Variants in TLL1 observed in about 807,000 individuals in gnomAD.
TLL1 encodes tolloid-like protein 1.
Under a neutral mutation model 128.2 loss-of-function variants are expected in TLL1, and 49 were observed. That is an observed-to-expected ratio of 0.38 (90% CI 0.30 to 0.48). The LOEUF (loss-of-function observed/expected upper bound fraction) is 0.48. Ranked by LOEUF, TLL1 falls within the 20% of genes least tolerant of loss-of-function variation. TLL1 has a pLI of 0.96. For synonymous variants in TLL1, 454 were observed against 418.8 expected (o/e 1.08, Z -1.03); for missense variants, 1,123 against 1,242.0 (o/e 0.90, Z 1.44).
chr4:166,034,312 G>T (rs1001957532), intron 9 of TLL1, among the ~76,000 whole-genome samples: 2 of 152,160 alleles, frequency 1.3e-5, no homozygotes, highest in Non-Finnish European at 2.9e-5. Context: ...CAAGGAAGGG[G>T]AAAGTAGAGT....
intron 13 of TLL1, among the ~76,000 whole-genome samples, chr4:166,055,887 CTTATG>C (rs1739981021): frequency 1.3e-5 from 2 of 151,886 alleles, no homozygotes; most frequent in African/African-American, 2.4e-5. Flanking sequence ...TTCATTGACA[CTTATG>C]TTGTGTGTCA....
intron 18 of TLL1, among the ~76,000 whole-genome samples, chr4:166,086,640 A>G (rs59036877): frequency 0.012 from 1,815 of 152,238 alleles, 31 homozygotes; most frequent in African/African-American, 0.042. Flanking sequence ...AAGTGTCCCA[A>G]GAGGCCATGG....
At chr4:166,014,613 A>G in intron 8 of TLL1, 53 bp downstream of exon 8, 1 of 1,604,628 alleles carries the variant, frequency 6.2e-7, no homozygotes, top group Non-Finnish European at 8.5e-7. Flanking sequence ...GTGCTCTTCC[A>G]GATGAATAAG....
intron 13 of TLL1, 152 bp from the exon 14 acceptor site, chr4:166,057,032 A>G (rs1399065375): frequency 1.3e-6 from 1 of 762,222 alleles, no homozygotes; most frequent in Admixed American, 2.0e-5. Context: ...ACCATGATTC[A>G]GTTACCTCTC....
At chr4:165,914,151 C>T (rs1423075818) in intron 1 of TLL1, among the ~76,000 whole-genome samples, 2 of 152,164 alleles carry the variant, frequency 1.3e-5, no homozygotes, top group African/African-American at 4.8e-5. Flanking sequence ...CTATTTTTCA[C>T]AATCATTACC....
At chr4:165,921,141 C>T (rs997313152) in intron 1 of TLL1, among the ~76,000 whole-genome samples, 2 of 152,150 alleles carry the variant, frequency 1.3e-5, no homozygotes, top group African/African-American at 4.8e-5. Flanking sequence ...GCCTACCCTC[C>T]TGGGTTGTTA....
At chr4:165,960,594 A>G (rs927424084) in intron 1 of TLL1, among the ~76,000 whole-genome samples, 27 of 152,168 alleles carry the variant, frequency 1.8e-4, no homozygotes, top group African/African-American at 6.0e-4. Context: ...ATCCAGCAAC[A>G]TATCAAAAAG....
chr4:166,025,361 C>A lies in TLL1; in HGVS notation c.1088C>A (p.Pro363Gln). 2 of 1,613,934 alleles carry A rather than the reference C, an allele frequency of 1.2e-6. No homozygotes were observed. Among genetic ancestry groups the A allele is most frequent in the Non-Finnish European group, 1.7e-6 (2 of 1,179,906 alleles). The change falls in exon 9 of 21, where the codon CCA becomes CAA. Residue 363 changes from proline (P) to glutamine (Q), a missense_variant. Pro to Gln is a moderately conservative substitution (Grantham distance 76). This residue lies in a region of TLL1 where 480 missense variants were observed against 542.4 expected (regional missense o/e 0.89). Coordinates refer to ENST00000061240, the MANE Select transcript of TLL1 (RefSeq NM_012464.5). ...LQESNGNLSS[P>Q]GFPNGYPSYT... is the part of the protein sequence containing the mutation. ...GAATCCAATGGCAACCTTTCCTCTC[C>A]AGGATTTCCCAATGGCTACCCTTCT...
At chr4:166,065,638 C>T in intron 15 of TLL1, 45 bp from the exon 16 acceptor site, 2 of 1,578,874 alleles carry the variant, frequency 1.3e-6, no homozygotes, top group Non-Finnish European at 1.7e-6. Context: ...TGTCAATCAT[C>T]TTGTACTCAC....
At chr4:165,990,936 T>G (rs2111012244) in intron 2 of TLL1, among the ~76,000 whole-genome samples, 1 of 152,134 alleles carries the variant, frequency 6.6e-6, no homozygotes, top group Non-Finnish European at 1.5e-5. Flanking sequence ...TCCCTCTAGA[T>G]TATGTTTCTT....
chr4:166,034,865 G>T (rs966987731), intron 9 of TLL1, among the ~76,000 whole-genome samples: 4 of 152,112 alleles, frequency 2.6e-5, no homozygotes, highest in Non-Finnish European at 2.9e-5. Context: ...CAAGGTCAAG[G>T]TGCCTGTAGA....
intron 1 of TLL1, among the ~76,000 whole-genome samples, chr4:165,977,248 GT>G (rs1403222751): frequency 5.9e-5 from 9 of 152,138 alleles, no homozygotes; most frequent in Non-Finnish European, 1.3e-4. Flanking sequence ...ATGGGGGGCA[GT>G]TTCCCCCATG....
intron 1 of TLL1, among the ~76,000 whole-genome samples, chr4:165,988,746 T>G (rs1333231119): frequency 6.6e-6 from 1 of 152,124 alleles, no homozygotes. Flanking sequence ...AGATAAAAAA[T>G]CTGGCATCTA....
At position 166,019,658 on chromosome 4, in the gene TLL1, T is replaced by C. The variant is rs1342263044; in HGVS notation, c.1042+5098T>C. On this transcript the variant is annotated intron_variant, in intron 8 of 20. Coordinates refer to ENST00000061240, the MANE Select transcript of TLL1 (RefSeq NM_012464.5). ...GGTCTGTGATAAGTGGGGCCTTGGG[T>C]CCAAGAGGGCAAGTTTCTAACAGGC... is the stretch of plus-strand genomic sequence containing the variant. 5.3e-5 allele frequency among the ~76,000 whole-genome samples: 8 copies of C among 152,200 alleles called. No individual in the cohort carries two copies. The East Asian group carries it at 1.5e-3, about 29-fold the overall frequency.
intron 9 of TLL1, among the ~76,000 whole-genome samples, chr4:166,029,606 T>C (rs1738664004): frequency 6.6e-6 from 1 of 152,040 alleles, no homozygotes; most frequent in South Asian, 2.1e-4. Flanking sequence ...GAAACAGATC[T>C]CCAGAACTTT....
chr4:166,092,398 C>T (rs1487267852), intron 19 of TLL1, among the ~76,000 whole-genome samples: 1 of 151,934 alleles, frequency 6.6e-6, no homozygotes, highest in Non-Finnish European at 1.5e-5. Context: ...CATTGGTCTT[C>T]TATCAATAAT....
intron 1 of TLL1, among the ~76,000 whole-genome samples, chr4:165,943,257 A>G (rs745340568): frequency 3.9e-5 from 6 of 152,062 alleles, no homozygotes; most frequent in Non-Finnish European, 8.8e-5. Context: ...TTAAGCTTTC[A>G]TGCAAAAAAG....
At chr4:165,957,833 G>A (rs1561054462) in intron 1 of TLL1, among the ~76,000 whole-genome samples, 1 of 148,348 alleles carries the variant, frequency 6.7e-6, no homozygotes, top group African/African-American at 2.5e-5. Context: ...TTTAGCATTA[G>A]GTATATCTCC....
At chr4:165,889,581 T>G (rs1731305821) in intron 1 of TLL1, among the ~76,000 whole-genome samples, 1 of 152,268 alleles carries the variant, frequency 6.6e-6, no homozygotes, top group Admixed American at 6.5e-5. Context: ...AAGTTACCTG[T>G]ACTGACTTGC....
Sources: allele counts gnomAD v4.1 joint callset (sites outside exome capture counted in the v4.1 genomes callset), GRCh38; gene constraint gnomAD v4.1.1; regional missense constraint gnomAD v4.1.1; transcripts MANE v1.5; gene names NCBI Gene and HGNC (gene_info 2026-07-23, HGNC 2026-07-21).